The following LHFPL4 variants were observed in gnomAD, a reference collection of about 807,000 sequenced individuals.
LHFPL4 encodes the protein LHFPL tetraspan subfamily member 4, also known as LHFPL tetraspan subfamily member 4 protein.
LHFPL4 carries 6 observed loss-of-function variants against 20.0 expected under a neutral mutation model. The ratio of observed to expected loss-of-function variants is 0.30; its 90% CI spans 0.16 to 0.59. LHFPL4 has a LOEUF of 0.59. Ranked by LOEUF, LHFPL4 falls within the 20% of genes least tolerant of loss-of-function variation. LHFPL4 has a pLI of 0.88. For synonymous variants in LHFPL4, 129 were observed against 143.8 expected, an observed-to-expected ratio of 0.90 and a Z score of 0.74; for missense variants, 215 against 331.2, an observed-to-expected ratio of 0.65 and a Z score of 2.72.
chr3:9,539,347 T>C (rs1301488167), intron 2 of LHFPL4, among the ~76,000 whole-genome samples: 3 of 148,772 alleles, frequency 2.0e-5, no homozygotes, highest in Non-Finnish European at 4.4e-5. Flanking sequence ...CCCAGCTACT[T>C]GGGAGGCTGA....
intron 2 of LHFPL4, among the ~76,000 whole-genome samples, chr3:9,510,990 G>A (rs2046255775): frequency 6.6e-6 from 1 of 151,358 alleles, no homozygotes; most frequent in Admixed American, 6.6e-5. Flanking sequence ...AAGCAGTGAT[G>A]AGTGCTTAAC....
chr3:9,504,912 C>T (rs2046206587), intron 3 of LHFPL4, among the ~76,000 whole-genome samples: 1 of 151,158 alleles, frequency 6.6e-6, no homozygotes, highest in Non-Finnish European at 1.5e-5. Flanking sequence ...ATAAATATAT[C>T]ACTCTGTCAT....
At chr3:9,514,926 C>T (rs1469129137) in intron 2 of LHFPL4, among the ~76,000 whole-genome samples, 1 of 152,118 alleles carries the variant, frequency 6.6e-6, no homozygotes, top group Non-Finnish European at 1.5e-5. Flanking sequence ...TTGTTTGCTT[C>T]CAAATTTTGG....
At chr3:9,530,570 T>C (rs2046402733) in intron 2 of LHFPL4, among the ~76,000 whole-genome samples, 1 of 152,162 alleles carries the variant, frequency 6.6e-6, no homozygotes, top group African/African-American at 2.4e-5. Flanking sequence ...TTTCTCCATA[T>C]CTGAAATAAG....
At chr3:9,526,805 A>G (rs2046378567) in intron 2 of LHFPL4, among the ~76,000 whole-genome samples, 1 of 152,220 alleles carries the variant, frequency 6.6e-6, no homozygotes, top group African/African-American at 2.4e-5. Flanking sequence ...ACACAAAGGA[A>G]GGCTGACAGC....
intron 2 of LHFPL4, among the ~76,000 whole-genome samples, chr3:9,533,862 T>A (rs543088949): frequency 1.3e-5 from 2 of 151,940 alleles, no homozygotes; most frequent in African/African-American, 4.8e-5. Context: ...GCTTTTTTCA[T>A]AGTCATGTTC....
intron 2 of LHFPL4, among the ~76,000 whole-genome samples, chr3:9,512,483 G>A (rs971616168): frequency 6.6e-6 from 1 of 152,184 alleles, no homozygotes; most frequent in Non-Finnish European, 1.5e-5. Context: ...TGGCTGCCTG[G>A]GGAAGGAGGT....
chr3:9,548,337 C>T (rs1273179263), intron 2 of LHFPL4, among the ~76,000 whole-genome samples: 1 of 152,108 alleles, frequency 6.6e-6, no homozygotes, highest in Admixed American at 6.5e-5. Context: ...TAGCAGTATC[C>T]AACTGCTGCT....
rs57211005 is a variant in LHFPL4 at position 9,539,454 on chromosome 3, CA to C, written c.406+12819del. The stretch of plus-strand genomic sequence containing the variant: ...TGGGCAATAGAGTGAAACTTCGTCT[CA>C]AAAAAAAAAAAAAAAAAGGAATAGT... On this transcript the variant is annotated intron_variant, in intron 2 of 3. Transcript: ENST00000287585. 2.4e-3 allele frequency among the ~76,000 whole-genome samples: 267 copies of C among 109,426 alleles called. 2 individuals carry two copies. The highest frequency in any genetic ancestry group is 0.018 in the South Asian group (54 of 3,004). 71.8% of individuals were successfully genotyped at this position (109,426 alleles called of 152,430 possible). A position where few individuals can be genotyped will look rare whatever the true frequency, so the allele number is the denominator to read the frequency against.
At chr3:9,523,982 T>G (rs889287415) in intron 2 of LHFPL4, among the ~76,000 whole-genome samples, 2 of 135,562 alleles carry the variant, frequency 1.5e-5, no homozygotes, top group African/African-American at 5.7e-5. Context: ...AGGCTAGTAT[T>G]TCCCCCCCCC....
intron 2 of LHFPL4, among the ~76,000 whole-genome samples, chr3:9,507,852 C>A (rs1265628221): frequency 1.3e-5 from 2 of 152,234 alleles, no homozygotes; most frequent in Non-Finnish European, 2.9e-5. Flanking sequence ...CCCCCAGATT[C>A]AGCAGGCCAC....
At chr3:9,518,043 T>C (rs192566922) in intron 2 of LHFPL4, among the ~76,000 whole-genome samples, 1 of 152,268 alleles carries the variant, frequency 6.6e-6, no homozygotes, top group East Asian at 1.9e-4. Context: ...AAATATAATG[T>C]CTGTTGTAGG....
chr3:9,503,241 T>C (rs2046191440), intron 3 of LHFPL4, among the ~76,000 whole-genome samples: 1 of 152,128 alleles, frequency 6.6e-6, no homozygotes, highest in Non-Finnish European at 1.5e-5. Flanking sequence ...GGGGCTCCTT[T>C]ACATTGATTT....
Position 9,498,876 on chromosome 3 carries a change from C to T in LHFPL4, c.*3335G>A, listed in dbSNP as rs562407476. 2 of 152,802 alleles carry T rather than the reference C, an allele frequency of 1.3e-5. No homozygotes were observed. The highest frequency in any genetic ancestry group is 4.1e-4 in the South Asian group (2 of 4,828). 9.5% of individuals were successfully genotyped at this position (152,802 alleles called of 1,614,324 possible). On this transcript the variant is annotated 3_prime_UTR_variant, in exon 4 of 4. Transcript: ENST00000287585. ...GATCTTGATTCTTTGGTCCTCACCC[C>T]CTCAGGAAAGTTTTCCTTCATGGGT... is the stretch of plus-strand genomic sequence containing the variant.
chr3:9,514,016 A>G (rs1388792604), intron 2 of LHFPL4, among the ~76,000 whole-genome samples: 1 of 152,250 alleles, frequency 6.6e-6, no homozygotes, highest in Non-Finnish European at 1.5e-5. Flanking sequence ...ACAAGGGACC[A>G]AAAACATGTC....
Position 9,505,922 on chromosome 3 carries a change from C to A in LHFPL4, c.643+45G>T, listed in dbSNP as rs754242562. The A allele has an allele frequency of 7.1e-6, 11 of 1,543,010 alleles. No homozygotes were observed. The South Asian group carries it at 9.0e-5, about 13-fold the overall frequency. ...TTGAAATTATCCTGCCTCCCAGGAC[C>A]AGGCCTGGCTCCCGCCGCTGCCCCC... On this transcript the variant is annotated intron_variant, in intron 3 of 3. Coordinates refer to ENST00000287585, the MANE Select transcript of LHFPL4 (RefSeq NM_198560.3).
At chr3:9,513,891 G>T (rs2046279860) in intron 2 of LHFPL4, among the ~76,000 whole-genome samples, 1 of 152,088 alleles carries the variant, frequency 6.6e-6, no homozygotes, top group African/African-American at 2.4e-5. Flanking sequence ...GTGTGAGGGT[G>T]GCACGTGCAC....
chr3:9,503,064 G>C (rs1054143058), intron 3 of LHFPL4, among the ~76,000 whole-genome samples: 1 of 151,850 alleles, frequency 6.6e-6, no homozygotes, highest in Non-Finnish European at 1.5e-5. Context: ...GGTCTTGAAC[G>C]TGTGGGCTCA....
intron 2 of LHFPL4, among the ~76,000 whole-genome samples, chr3:9,535,567 A>G (rs1306663270): frequency 6.6e-6 from 1 of 152,118 alleles, no homozygotes; most frequent in Non-Finnish European, 1.5e-5. Context: ...AACAATGATA[A>G]TTTTTAAAAA....
Sources: allele counts gnomAD v4.1 joint callset (sites outside exome capture counted in the v4.1 genomes callset), GRCh38; gene constraint gnomAD v4.1.1; transcripts MANE v1.5; gene names NCBI Gene and HGNC (gene_info 2026-07-23, HGNC 2026-07-21).